The following ADAMTS19 variants were observed in gnomAD, a reference collection of about 807,000 sequenced individuals.
ADAMTS19 encodes the protein A disintegrin and metalloproteinase with thrombospondin motifs 19.
A neutral mutation model predicts 153.3 loss-of-function variants in ADAMTS19; 93 were observed. That is an observed-to-expected ratio of 0.61 (90% CI 0.51 to 0.72). The LOEUF is 0.72. Ranked by LOEUF, ADAMTS19 falls within the 30% of genes least tolerant of loss-of-function variation. The pLI is 0.00. For synonymous variants in ADAMTS19, 600 were observed against 556.6 expected, an observed-to-expected ratio of 1.08 and a Z score of -1.10; for missense variants, 1,482 against 1,552.1, an observed-to-expected ratio of 0.95 and a Z score of 0.76.
intron 4 of ADAMTS19, among the ~76,000 whole-genome samples, chr5:129,526,829 A>G: frequency 6.6e-6 from 1 of 151,776 alleles, no homozygotes. Flanking sequence ...TTTGGTACAT[A>G]GTAGATGTAT....
intron 7 of ADAMTS19, among the ~76,000 whole-genome samples, chr5:129,582,266 A>G (rs946082140): frequency 6.6e-6 from 1 of 150,842 alleles, no homozygotes; most frequent in Non-Finnish European, 1.5e-5. Flanking sequence ...TTGCTTTATG[A>G]ATCTGGGTGC....
At chr5:129,664,314 T>A (rs993487164) in intron 15 of ADAMTS19, among the ~76,000 whole-genome samples, 2 of 152,194 alleles carry the variant, frequency 1.3e-5, no homozygotes, top group Non-Finnish European at 2.9e-5. Context: ...AGGGTAGAGA[T>A]CATCTTACCT....
chr5:129,705,727 T>C (rs2127169962), intron 21 of ADAMTS19, among the ~76,000 whole-genome samples: 1 of 152,338 alleles, frequency 6.6e-6, no homozygotes, highest in South Asian at 2.1e-4. Flanking sequence ...TAATTTATTT[T>C]ATGTTCAAGA....
intron 11 of ADAMTS19, among the ~76,000 whole-genome samples, chr5:129,644,661 C>A (rs1317609620): frequency 1.7e-4 from 26 of 151,900 alleles, no homozygotes; most frequent in Admixed American, 1.6e-3. Context: ...ATACAAATAT[C>A]AATGTGTTGG....
chr5:129,516,605 T>C (rs961276924), intron 3 of ADAMTS19, among the ~76,000 whole-genome samples: 1 of 151,912 alleles, frequency 6.6e-6, no homozygotes, highest in African/African-American at 2.4e-5. Flanking sequence ...TCGTGGCTAC[T>C]AATGATCCTT....
chr5:129,672,704 A>C (rs1754359594), intron 16 of ADAMTS19, among the ~76,000 whole-genome samples: 1 of 152,186 alleles, frequency 6.6e-6, no homozygotes, highest in South Asian at 2.1e-4. Context: ...AAGGCAAATC[A>C]AACCCTCATA....
At chr5:129,702,941 A>AAAAAAAAAAAAAATATATAT in intron 20 of ADAMTS19, among the ~76,000 whole-genome samples, 4 of 29,296 alleles carry the variant, frequency 1.4e-4, no homozygotes, top group Admixed American at 4.6e-4. Flanking sequence ...AAAAAAAAAA[A>AAAAAAAAAAAAAATATATAT]ATATATATAT....
intron 8 of ADAMTS19, among the ~76,000 whole-genome samples, chr5:129,597,831 G>A (rs1427563223): frequency 2.6e-5 from 4 of 151,672 alleles, no homozygotes; most frequent in African/African-American, 9.7e-5. Context: ...GAACCCAGGA[G>A]GTAGAGGTTG....
chr5:129,509,085 T>G lies in ADAMTS19; in HGVS notation c.756T>G (p.Phe252Leu), dbSNP rs761856177. 6.2e-7 allele frequency: 1 copy of G among 1,605,406 alleles called. No homozygotes were observed. Among genetic ancestry groups the G allele is most frequent in the Non-Finnish European group, 8.5e-7 (1 of 1,176,172 alleles). Residue 252 changes from phenylalanine to leucine, a missense_variant, in exon 3 of 23, where the codon TTT (phenylalanine) becomes TTG (leucine). Coordinates refer to ENST00000274487, the MANE Select transcript of ADAMTS19 (RefSeq NM_133638.6). ...FSTCGGGLMG[F>L]IQLNEDFIFI... ...TGTGTTATATATTCCAGATGGGATT[T>G]ATACAGCTCAATGAGGACTTCATAT... is the stretch of plus-strand genomic sequence containing the variant.
intron 8 of ADAMTS19, among the ~76,000 whole-genome samples, chr5:129,617,867 T>A (rs771196634): frequency 6.6e-6 from 1 of 152,116 alleles, no homozygotes; most frequent in Admixed American, 6.6e-5. Flanking sequence ...GAATTTAATA[T>A]AATTAATGAT....
At chr5:129,472,379 C>G (rs1750096423) in intron 2 of ADAMTS19, among the ~76,000 whole-genome samples, 1 of 152,142 alleles carries the variant, frequency 6.6e-6, no homozygotes, top group Non-Finnish European at 1.5e-5. Flanking sequence ...CCCTAAGGAT[C>G]TTGCATGAAT....
intron 8 of ADAMTS19, among the ~76,000 whole-genome samples, 168 bp downstream of exon 8, chr5:129,596,832 G>A (rs898136020): frequency 6.6e-6 from 1 of 152,136 alleles, no homozygotes; most frequent in Non-Finnish European, 1.5e-5. Context: ...TGTCTTTTGA[G>A]TGTTGCAACT....
At chr5:129,474,399 A>T (rs75440973) in intron 2 of ADAMTS19, among the ~76,000 whole-genome samples, 17,368 of 151,478 alleles carry the variant, frequency 0.11, 1,123 homozygotes, top group Middle Eastern at 0.17. Flanking sequence ...GGGTATTTTC[A>T]CTCCTGTTAG....
intron 7 of ADAMTS19, among the ~76,000 whole-genome samples, chr5:129,556,099 A>G (rs1753301729): frequency 6.6e-6 from 1 of 152,168 alleles, no homozygotes; most frequent in South Asian, 2.1e-4. Flanking sequence ...AAAAGTAAAA[A>G]TAATTTTTAC....
At chr5:129,654,129 A>G (rs1420907750) in intron 13 of ADAMTS19, among the ~76,000 whole-genome samples, 177 bp from the exon 14 acceptor site, 1 of 152,224 alleles carries the variant, frequency 6.6e-6, no homozygotes, top group Non-Finnish European at 1.5e-5. Flanking sequence ...AAACATCTCC[A>G]GGCACCTAAT....
intron 2 of ADAMTS19, among the ~76,000 whole-genome samples, chr5:129,476,215 A>G (rs1055262942): frequency 1.6e-4 from 25 of 152,312 alleles, no homozygotes; most frequent in South Asian, 2.1e-4. Flanking sequence ...TCCATATTAC[A>G]GTATTTAAAA....
At chr5:129,575,336 AATGCCTTCAGGAT>A (rs1754062785) in intron 7 of ADAMTS19, among the ~76,000 whole-genome samples, 1 of 152,082 alleles carries the variant, frequency 6.6e-6, no homozygotes, top group African/African-American at 2.4e-5. Flanking sequence ...GTCCCTATTT[AATGCCTTCAGGAT>A]ATGATTATGT....
chr5:129,683,665 T>C (rs1754930799), intron 17 of ADAMTS19, among the ~76,000 whole-genome samples: 1 of 151,922 alleles, frequency 6.6e-6, no homozygotes, highest in Non-Finnish European at 1.5e-5. Context: ...AGCAACTTCC[T>C]GTCCATCTTT....
At chr5:129,529,168 G>A (rs1427842091) in intron 6 of ADAMTS19, among the ~76,000 whole-genome samples, 1 of 151,986 alleles carries the variant, frequency 6.6e-6, no homozygotes, top group Non-Finnish European at 1.5e-5. Context: ...ATAGCATTAA[G>A]TATAATATGT....
Sources: allele counts gnomAD v4.1 joint callset (sites outside exome capture counted in the v4.1 genomes callset), GRCh38; gene constraint gnomAD v4.1.1; transcripts MANE v1.5; gene names NCBI Gene and HGNC (gene_info 2026-07-23, HGNC 2026-07-21).